The following GUCA1C variants were observed in gnomAD, a reference collection of about 807,000 sequenced individuals.
The protein encoded by GUCA1C is guanylate cyclase activator 1C.
Under a neutral mutation model 16.2 loss-of-function variants are expected in GUCA1C, and 15 were observed. The observed-to-expected ratio is 0.93, with a 90% CI of 0.62 to 1.43. The LOEUF is 1.43. Ranked by LOEUF, GUCA1C falls within the 40% of genes most tolerant of loss-of-function variation. The probability of loss-of-function intolerance (pLI) is 0.00; values close to 1 mark genes in which losing one functional copy is unlikely to be tolerated. For synonymous variants in GUCA1C, 78 were observed against 85.4 expected, an observed-to-expected ratio of 0.91 and a Z score of 0.48; for missense variants, 275 against 244.8, an observed-to-expected ratio of 1.12 and a Z score of -0.82.
At chr3:108,947,583 T>C (rs1388649254) in intron 1 of GUCA1C, among the ~76,000 whole-genome samples, 1 of 152,258 alleles carries the variant, frequency 6.6e-6, no homozygotes, top group Non-Finnish European at 1.5e-5. Context: ...GCTAATGGCA[T>C]AGTACTTATG....
At chr3:108,952,343 A>G (rs16855015) in intron 1 of GUCA1C, among the ~76,000 whole-genome samples, 2,483 of 152,314 alleles carry the variant, frequency 0.016, 89 homozygotes, top group African/African-American at 0.057. Flanking sequence ...CTGATTTGTC[A>G]GCTCCTTGAA....
At chr3:108,920,797 G>A (rs1440373820) in intron 1 of GUCA1C, among the ~76,000 whole-genome samples, 1 of 152,008 alleles carries the variant, frequency 6.6e-6, no homozygotes, top group Non-Finnish European at 1.5e-5. Flanking sequence ...AAGTAAATAG[G>A]CATTATTTTT....
intron 3 of GUCA1C, among the ~76,000 whole-genome samples, chr3:108,915,135 C>G (rs1449029652): frequency 1.3e-5 from 2 of 152,170 alleles, no homozygotes; most frequent in Admixed American, 6.5e-5. Flanking sequence ...CCTCACCATC[C>G]CATCCTGCCA....
chr3:108,924,628 T>C (rs926663312), intron 1 of GUCA1C, among the ~76,000 whole-genome samples: 1 of 152,162 alleles, frequency 6.6e-6, no homozygotes, highest in African/African-American at 2.4e-5. Context: ...CTTCCTGATT[T>C]TGGTATTAGG....
Position 108,916,204 on chromosome 3 carries a change from G to C in GUCA1C, c.365C>G (p.Ala122Gly). The C allele has an allele frequency of 6.2e-7, 1 of 1,608,338 alleles. No individual in the cohort carries two copies. The highest frequency in any genetic ancestry group is 2.2e-5 in the East Asian group (1 of 44,860). ...ACTCAGAGTTTGCTGGCCATTGAGG[G>C]CTTGTACCGCCTGCAAAAAGACATT... ...ELLDMFMAVQ[A>G]LNGQQTLSPE... Residue 122 changes from alanine to glycine, a missense_variant, in exon 3 of 4, where the codon GCC (alanine) becomes GGC (glycine). By Grantham distance (60) the Ala-to-Gly change is moderately conservative. Coordinates refer to ENST00000261047, the MANE Select transcript of GUCA1C (RefSeq NM_005459.4).
At chr3:108,937,380 G>A (rs766687971) in intron 1 of GUCA1C, among the ~76,000 whole-genome samples, 3 of 152,066 alleles carry the variant, frequency 2.0e-5, no homozygotes, top group African/African-American at 2.4e-5. Flanking sequence ...GTTTGCTTGC[G>A]TAACTCCAGA....
At chr3:108,948,518 G>A (rs2107318785) in intron 1 of GUCA1C, among the ~76,000 whole-genome samples, 1 of 152,072 alleles carries the variant, frequency 6.6e-6, no homozygotes, top group African/African-American at 2.4e-5. Flanking sequence ...ATTTTTGATG[G>A]AGCACCTACT....
At chr3:108,909,453 C>T (rs910592342) in intron 3 of GUCA1C, among the ~76,000 whole-genome samples, 1 of 152,110 alleles carries the variant, frequency 6.6e-6, no homozygotes, top group East Asian at 1.9e-4. Flanking sequence ...GGTAGGGAAC[C>T]TCAAACAATC....
chr3:108,909,666 T>C (rs1407693994), intron 3 of GUCA1C, among the ~76,000 whole-genome samples: 3 of 152,206 alleles, frequency 2.0e-5, no homozygotes, highest in African/African-American at 4.8e-5. Context: ...CGGGATATAG[T>C]AGTGGTCTCA....
chr3:108,915,080 G>A (rs1309808507), intron 3 of GUCA1C, among the ~76,000 whole-genome samples: 3 of 152,170 alleles, frequency 2.0e-5, no homozygotes, highest in Admixed American at 6.5e-5. Context: ...TTGTCCAGTC[G>A]TTTGGCTTTT....
rs566497572 is a variant in GUCA1C at position 108,923,550 on chromosome 3, A to G, written c.205-2965T>C. ...CCAGTGCCATGCTGTTTGGTTGACT[A>G]TGGCCTTATAGTATAATTTGAAGTT... is the stretch of plus-strand genomic sequence containing the variant. On this transcript the variant is annotated intron_variant, in intron 1 of 3. Coordinates refer to ENST00000261047, the MANE Select transcript of GUCA1C (RefSeq NM_005459.4). Among the ~76,000 whole-genome samples, 11 of 152,294 alleles carry G rather than the reference A, an allele frequency of 7.2e-5. 1 individual carries two copies. The East Asian group carries it at 2.1e-3, about 29-fold the overall frequency.
chr3:108,948,998 C>A (rs550060414), intron 1 of GUCA1C, among the ~76,000 whole-genome samples: 1 of 152,218 alleles, frequency 6.6e-6, no homozygotes, highest in East Asian at 1.9e-4. Context: ...CAGGTGCCCA[C>A]CACCACGCCC....
chr3:108,919,698 C>T (rs562029575), intron 2 of GUCA1C, among the ~76,000 whole-genome samples: 70 of 152,182 alleles, frequency 4.6e-4, no homozygotes, highest in Admixed American at 1.4e-3. Context: ...ATTTCTACTA[C>T]GTATTTTATT....
At chr3:108,910,672 C>T (rs1334985912) in intron 3 of GUCA1C, among the ~76,000 whole-genome samples, 3 of 150,612 alleles carry the variant, frequency 2.0e-5, no homozygotes, top group South Asian at 2.1e-4. Context: ...TTTTTTGAGA[C>T]GGAGTCTCCC....
chr3:108,930,381 A>G (rs1010357426), intron 1 of GUCA1C, among the ~76,000 whole-genome samples: 1 of 152,246 alleles, frequency 6.6e-6, no homozygotes, highest in Non-Finnish European at 1.5e-5. Flanking sequence ...CACGAAGTCT[A>G]TAAGAAAAGC....
intron 1 of GUCA1C, among the ~76,000 whole-genome samples, chr3:108,943,904 CT>C (rs1279460611): frequency 6.6e-6 from 1 of 152,036 alleles, no homozygotes; most frequent in African/African-American, 2.4e-5. Context: ...AGTTACTTCA[CT>C]TAGAATAATA....
Position 108,907,955 on chromosome 3 carries a change from G to A in GUCA1C, c.*67C>T. ...CCTGAAATCAACAGCATGTACATGGGGAAGATTCTATTTCTTCTCTACTGA... is the reference window on the plus strand; with the variant it reads ...CCTGAAATCAACAGCATGTACATGGAGAAGATTCTATTTCTTCTCTACTGA... On this transcript the variant is annotated 3_prime_UTR_variant, in exon 4 of 4. Coordinates refer to ENST00000261047, the MANE Select transcript of GUCA1C (RefSeq NM_005459.4). 1 of 1,146,256 alleles carries A rather than the reference G, an allele frequency of 8.7e-7. No individual in the cohort carries two copies. Among genetic ancestry groups the A allele is most frequent in the South Asian group, 1.5e-5 (1 of 68,008 alleles). The allele number at this position is 1,146,256 out of a possible 1,614,324, so 71.0% of individuals were successfully genotyped here.
At chr3:108,951,694 A>G (rs1374628908) in intron 1 of GUCA1C, among the ~76,000 whole-genome samples, 1 of 152,176 alleles carries the variant, frequency 6.6e-6, no homozygotes, top group Non-Finnish European at 1.5e-5. Context: ...GGCATTTGTC[A>G]TTACTGCTTA....
chr3:108,919,905 A>G (rs1340495348), intron 2 of GUCA1C, among the ~76,000 whole-genome samples: 2 of 152,166 alleles, frequency 1.3e-5, no homozygotes, highest in Non-Finnish European at 2.9e-5. Flanking sequence ...GTTGTTTCAT[A>G]CCATGATAAT....
Sources: allele counts gnomAD v4.1 joint callset (sites outside exome capture counted in the v4.1 genomes callset), GRCh38; gene constraint gnomAD v4.1.1; transcripts MANE v1.5; gene names NCBI Gene and HGNC (gene_info 2026-07-23, HGNC 2026-07-21).